HSD17B12: variants seen among roughly 807,000 people sequenced by gnomAD.
The protein encoded by HSD17B12 is hydroxysteroid 17-beta dehydrogenase 12, also known as very-long-chain 3-oxoacyl-CoA reductase.
Under a neutral mutation model 39.3 loss-of-function variants are expected in HSD17B12, and 32 were observed. The observed-to-expected ratio is 0.81, with a 90% CI of 0.61 to 1.09. HSD17B12 has a LOEUF of 1.09. Among genes scored for constraint, HSD17B12 ranks in the 50% least tolerant of loss-of-function variants. HSD17B12 has a pLI of 0.00. For synonymous variants in HSD17B12, 150 were observed against 146.7 expected (o/e 1.02, Z -0.16); for missense variants, 342 against 382.9 (o/e 0.89, Z 0.89).
At chr11:43,813,422 G>A (rs748117220) in intron 4 of HSD17B12, among the ~76,000 whole-genome samples, 42 of 152,286 alleles carry the variant, frequency 2.8e-4, no homozygotes, top group Admixed American at 6.5e-4. Context: ...GATATGAAGA[G>A]TGAAGGGAGA....
intron 1 of HSD17B12, chr11:43,681,244 A>C: frequency 3.0e-6 from 3 of 997,816 alleles, no homozygotes; most frequent in Non-Finnish European, 3.9e-6. Context: ...GTGTAGGAGA[A>C]AACTGCCTTA....
the HSD17B12 span, among the ~76,000 whole-genome samples, chr11:43,617,419 G>A: frequency 1.3e-5 from 2 of 152,136 alleles, no homozygotes; most frequent in African/African-American, 4.8e-5. Context: ...CCACACTAGA[G>A]GCATGGAGTG....
intron 1 of HSD17B12, among the ~76,000 whole-genome samples, chr11:43,701,845 G>GT (rs1278854807): frequency 1.3e-5 from 2 of 152,062 alleles, no homozygotes; most frequent in South Asian, 2.1e-4. Flanking sequence ...TTTTAGGATT[G>GT]TTTTTTCTAT....
Position 43,822,733 on chromosome 11 carries a change from G to A in HSD17B12, c.501+6342G>A, listed in dbSNP as rs1467397612. Among the ~76,000 whole-genome samples, 4 of 152,252 alleles carry A rather than the reference G, an allele frequency of 2.6e-5. No individual in the cohort carries two copies. In the East Asian group the frequency reaches 7.7e-4, roughly 29 times the overall value. ...CATTTTCTTAATCCAGTCTATCATT[G>A]TTGGACATTTGGGTTGGTTCCAAGT... On this transcript the variant is annotated intron_variant, in intron 6 of 10. Coordinates refer to ENST00000278353, the MANE Select transcript of HSD17B12 (RefSeq NM_016142.3).
chr11:43,794,888 G>T (rs1950902714), intron 3 of HSD17B12, among the ~76,000 whole-genome samples: 1 of 152,180 alleles, frequency 6.6e-6, no homozygotes, highest in South Asian at 2.1e-4. Flanking sequence ...AAAGAGAGAG[G>T]CTGTGTCATT....
the HSD17B12 span, among the ~76,000 whole-genome samples, chr11:43,582,447 C>T: frequency 6.6e-6 from 1 of 152,214 alleles, no homozygotes; most frequent in African/African-American, 2.4e-5. Context: ...ACCACGCTCC[C>T]CGCGCCCTTC....
chr11:43,810,146 A>T lies in HSD17B12; in HGVS notation c.392-5291A>T, dbSNP rs956073277. On this transcript the variant is annotated intron_variant, in intron 4 of 10. Coordinates refer to ENST00000278353, the MANE Select transcript of HSD17B12 (RefSeq NM_016142.3). ...TTCAAATGGATTTTTAATTTCTAGT[A>T]ATTTATTGTTGTTTGCTCCTCTCTC... is the stretch of plus-strand genomic sequence containing the variant. 1.2e-4 allele frequency among the ~76,000 whole-genome samples: 19 copies of T among 152,096 alleles called. No homozygotes were observed. The East Asian group carries it at 2.5e-3, about 20-fold the overall frequency.
At chr11:43,724,945 C>T (rs977084443) in intron 1 of HSD17B12, among the ~76,000 whole-genome samples, 2 of 152,116 alleles carry the variant, frequency 1.3e-5, no homozygotes, top group African/African-American at 2.4e-5. Context: ...TTTATAAAAA[C>T]TCAGATTCCC....
chr11:43,683,366 C>G (rs775262669), intron 1 of HSD17B12, among the ~76,000 whole-genome samples: 7 of 151,582 alleles, frequency 4.6e-5, no homozygotes, highest in Non-Finnish European at 7.4e-5. Flanking sequence ...GAAATGCTGA[C>G]AGGTTCAATT....
chr11:43,620,415 G>T, the HSD17B12 span, among the ~76,000 whole-genome samples: 2 of 152,158 alleles, frequency 1.3e-5, no homozygotes, highest in Admixed American at 1.3e-4. Flanking sequence ...CGATCTCTTA[G>T]CTACTCTGAA....
intron 6 of HSD17B12, among the ~76,000 whole-genome samples, chr11:43,821,501 C>T (rs61883829): frequency 0.048 from 7,347 of 152,192 alleles, 201 homozygotes; most frequent in Non-Finnish European, 0.054. Context: ...AGAACAATGA[C>T]CTTTATCCCA....
At chr11:43,654,615 G>C in the HSD17B12 span, among the ~76,000 whole-genome samples, 2 of 151,968 alleles carry the variant, frequency 1.3e-5, no homozygotes, top group Admixed American at 1.3e-4. Flanking sequence ...TCTACATATG[G>C]CTAGCCAGTT....
At chr11:43,578,363 C>A in the HSD17B12 span, among the ~76,000 whole-genome samples, 1 of 152,182 alleles carries the variant, frequency 6.6e-6, no homozygotes, top group South Asian at 2.1e-4. Flanking sequence ...AGGGGTGCAG[C>A]CCGGGCCGGG....
intron 4 of HSD17B12, among the ~76,000 whole-genome samples, 153 bp downstream of exon 4, chr11:43,798,580 T>C (rs1950935816): frequency 6.6e-6 from 1 of 152,190 alleles, no homozygotes. Flanking sequence ...GACATTAATA[T>C]ATACATTTGA....
At chr11:43,797,442 A>G (rs933085741) in intron 3 of HSD17B12, among the ~76,000 whole-genome samples, 2 of 152,232 alleles carry the variant, frequency 1.3e-5, no homozygotes, top group African/African-American at 4.8e-5. Flanking sequence ...TGAGCCTCAC[A>G]TCATCATTTG....
chr11:43,673,040 A>C, the HSD17B12 span: 1 of 152,220 alleles, frequency 6.6e-6, no homozygotes, highest in African/African-American at 2.4e-5. Context: ...ATTTTGAACA[A>C]TGTTTAAATC....
At chr11:43,588,668 C>G in the HSD17B12 span, among the ~76,000 whole-genome samples, 1 of 146,996 alleles carries the variant, frequency 6.8e-6, no homozygotes, top group African/African-American at 2.5e-5. Flanking sequence ...ACACACATAG[C>G]AATGTCATAC....
intron 1 of HSD17B12, chr11:43,718,827 C>A: frequency 2.3e-6 from 2 of 876,896 alleles, no homozygotes; most frequent in Non-Finnish European, 3.8e-6. Context: ...TGGCCCAAGA[C>A]ACCACGACTC....
At chr11:43,779,864 G>A (rs1055640025) in intron 3 of HSD17B12, among the ~76,000 whole-genome samples, 6 of 152,080 alleles carry the variant, frequency 3.9e-5, no homozygotes, top group East Asian at 1.9e-4. Flanking sequence ...ACTGAATTTC[G>A]TTCATCTTAC....
Sources: gnomAD v4.1 joint callset for allele counts (sites outside exome capture counted in the v4.1 genomes callset) on GRCh38, gnomAD v4.1.1 for gene constraint, MANE v1.5 for transcripts, NCBI Gene and HGNC (gene_info 2026-07-23, HGNC 2026-07-21) for gene names.